The following ZNF568 variants were observed in gnomAD, a reference collection of about 807,000 sequenced individuals.
ZNF568 encodes the protein zinc finger protein 568.
Under a neutral mutation model 18.1 loss-of-function variants are expected in ZNF568, and 11 were observed. The observed-to-expected ratio is 0.61, with a 90% CI of 0.38 to 1.00. The LOEUF (loss-of-function observed/expected upper bound fraction) is 1.00. Ranked by LOEUF, ZNF568 falls within the 50% of genes least tolerant of loss-of-function variation. The probability of loss-of-function intolerance (pLI) is 0.01; values close to 1 mark genes in which losing one functional copy is unlikely to be tolerated. For synonymous variants in ZNF568, 213 were observed against 246.6 expected (o/e 0.86, Z 1.28); for missense variants, 639 against 768.2 (o/e 0.83, Z 1.99).
chr19:36,970,357 T>G lies in ZNF568; in HGVS notation c.359-4063T>G, dbSNP rs929851538. 1.5e-5 allele frequency among the ~76,000 whole-genome samples: 2 copies of G among 129,300 alleles called. 1 individual carries two copies. The highest frequency in any genetic ancestry group is 3.4e-5 in the Non-Finnish European group (2 of 58,886). The allele number at this position is 129,300 out of a possible 152,430, so 84.8% of individuals were successfully genotyped here. A position where few individuals can be genotyped will look rare whatever the true frequency, so the allele number is the denominator to read the frequency against. On this transcript the variant is annotated intron_variant, in intron 6 of 7. Coordinates refer to the ZNF568 transcript ENST00000427117. ...ATTGAATTTCTTTTCTTTTCTTTTC[T>G]TTCTTTTGGAGACAGTCTCGCTCTG...
intron 6 of ZNF568, among the ~76,000 whole-genome samples, chr19:36,943,432 G>T (rs1433640092): frequency 6.6e-6 from 1 of 152,076 alleles, no homozygotes; most frequent in East Asian, 1.9e-4. Flanking sequence ...CCAGGAAAAA[G>T]AAATACTCTT....
chr19:36,981,752 T>C (rs1449803139), downstream of ZNF568, among the ~76,000 whole-genome samples: 2 of 151,884 alleles, frequency 1.3e-5, no homozygotes, highest in East Asian at 3.9e-4. Flanking sequence ...TGCATGCCTG[T>C]AGTCCCAGCT....
rs777642030 is a variant in ZNF568 at position 36,997,086 on chromosome 19, G to A, written c.999G>A (p.Gln333=). 4 of 1,564,880 alleles carry A rather than the reference G, an allele frequency of 2.6e-6. No individual in the cohort carries two copies. The South Asian group carries it at 4.6e-5, about 18-fold the overall frequency. The change falls in exon 5 of 5, where the codon CAG becomes CAA. Residue 333 remains glutamine (Q), a synonymous_variant. Coordinates refer to the ZNF568 transcript ENST00000433993. The stretch of plus-strand genomic sequence containing the variant: ...GAAAGGCTTTTCGTTATGACACACA[G>A]CTGAGCCTTCATCAGATAATCCATA...
intron 7 of ZNF568, among the ~76,000 whole-genome samples, chr19:36,978,084 C>A (rs2074300215): frequency 6.6e-6 from 1 of 152,202 alleles, no homozygotes; most frequent in African/African-American, 2.4e-5. Context: ...ACTGATTGGG[C>A]TCCCTGGCTC....
downstream of ZNF568, among the ~76,000 whole-genome samples, chr19:36,953,100 A>G (rs1165572599): frequency 1.3e-5 from 2 of 152,232 alleles, no homozygotes; most frequent in Non-Finnish European, 2.9e-5. Flanking sequence ...TCCGGGCATC[A>G]TGTCTACTAC....
Position 36,950,084 on chromosome 19 carries a change from T to C in ZNF568, c.931T>C (p.Cys311Arg). The C allele has an allele frequency of 6.2e-7, 1 of 1,613,940 alleles. No individual in the cohort carries two copies. Among genetic ancestry groups the C allele is most frequent in the Non-Finnish European group, 8.5e-7 (1 of 1,179,934 alleles). ...GGAGAAACCTTATGCATGTAAGGAT[T>C]GTTGGAAAGCCTTCAGTCAGAAATC... is the stretch of plus-strand genomic sequence containing the variant. ...TGEKPYACKD[C>R]WKAFSQKSNL... The change falls in exon 7 of 7, where the codon TGT (cysteine) becomes CGT (arginine). Residue 311 changes from cysteine (C) to arginine (R), a missense_variant. By Grantham distance (180) the Cys-to-Arg change is radical. Coordinates refer to ENST00000333987, the MANE Select transcript of ZNF568 (RefSeq NM_198539.4).
chr19:36,917,959 GT>G (rs902578417), intron 2 of ZNF568, among the ~76,000 whole-genome samples: 2 of 151,878 alleles, frequency 1.3e-5, no homozygotes, highest in African/African-American at 4.8e-5. Flanking sequence ...GTTTTGTTTT[GT>G]TTTTTTGAGA....
intron 6 of ZNF568, among the ~76,000 whole-genome samples, chr19:36,949,209 G>T (rs2074016631): frequency 6.6e-6 from 1 of 152,014 alleles, no homozygotes; most frequent in Admixed American, 6.6e-5. Context: ...TCATTTTTGT[G>T]TTCACCCTTT....
intron 2 of ZNF568, among the ~76,000 whole-genome samples, chr19:36,987,390 G>A (rs1247302927): frequency 6.6e-6 from 1 of 152,194 alleles, no homozygotes; most frequent in Non-Finnish European, 1.5e-5. Context: ...TTTGCAGAAT[G>A]AGGTTTTAGT....
At chr19:36,996,003 A>T (rs1043140653) in intron 4 of ZNF568, among the ~76,000 whole-genome samples, 2 of 152,118 alleles carry the variant, frequency 1.3e-5, no homozygotes, top group East Asian at 3.9e-4. Context: ...AATCTGCTCA[A>T]CTTCAATTAG....
chr19:36,931,794 G>A (rs990412649), intron 4 of ZNF568: 1 of 152,126 alleles, frequency 6.6e-6, no homozygotes, highest in Non-Finnish European at 1.5e-5. Flanking sequence ...GTGGTTTTTA[G>A]TGTATTCACA....
At chr19:36,925,986 C>T (rs889730911) in intron 4 of ZNF568, among the ~76,000 whole-genome samples, 2 of 152,088 alleles carry the variant, frequency 1.3e-5, no homozygotes, top group African/African-American at 4.8e-5. Context: ...TTTAGCTTAG[C>T]TTTTAGAAGT....
chr19:36,991,913 C>CAACACTT (rs1376794138), intron 4 of ZNF568: 1 of 1,322,658 alleles, frequency 7.6e-7, no homozygotes, highest in African/African-American at 1.5e-5. Flanking sequence ...TGTGAGAAGG[C>CAACACTT]AGCACTTCAG....
chr19:36,984,998 C>T (rs1441169129), intron 2 of ZNF568, among the ~76,000 whole-genome samples: 1 of 152,060 alleles, frequency 6.6e-6, no homozygotes, highest in Non-Finnish European at 1.5e-5. Context: ...GCTGTCCTGT[C>T]TTCCAATACT....
chr19:36,964,610 C>T (rs13345489), intron 6 of ZNF568, among the ~76,000 whole-genome samples: 28,395 of 151,868 alleles, frequency 0.19, 2,722 homozygotes, highest in African/African-American at 0.24. Context: ...CCCAGGAGTT[C>T]GAGACCAGCC....
Position 36,950,224 on chromosome 19 carries a change from T to C in ZNF568, c.1071T>C (p.Thr357=), listed in dbSNP as rs192575965. 33 of 1,613,758 alleles carry C rather than the reference T, an allele frequency of 2.0e-5. No individual in the cohort carries two copies. The Admixed American group carries it at 3.3e-4, about 16-fold the overall frequency. The change falls in exon 7 of 7, where the codon ACT becomes ACC. Residue 357 remains threonine (T), a synonymous_variant. Transcript: ENST00000333987. The part of the protein sequence containing the change: ...QNLIEHEKIH[T]GEKPYACNEC... The stretch of plus-strand genomic sequence containing the variant: ...TTATTGAGCACGAGAAAATTCATAC[T>C]GGGGAGAAACCTTATGCATGTAATG...
intron 4 of ZNF568, among the ~76,000 whole-genome samples, chr19:36,992,945 A>G (rs1311907329): frequency 6.6e-6 from 1 of 152,206 alleles, no homozygotes; most frequent in African/African-American, 2.4e-5. Context: ...TTCAAAGTTC[A>G]TCCATAGTGT....
At chr19:36,966,505 G>T (rs2074196372) in intron 6 of ZNF568, among the ~76,000 whole-genome samples, 1 of 152,188 alleles carries the variant, frequency 6.6e-6, no homozygotes. Flanking sequence ...AAAGTGTGTA[G>T]AAACTTAGTA....
chr19:36,965,763 G>A (rs1437845961), intron 6 of ZNF568, among the ~76,000 whole-genome samples: 2 of 147,524 alleles, frequency 1.4e-5, no homozygotes, highest in Admixed American at 6.8e-5. Context: ...GTGCAATGGC[G>A]TGATCTCGGC....
Sources: gnomAD v4.1 joint callset for allele counts (sites outside exome capture counted in the v4.1 genomes callset) on GRCh38, gnomAD v4.1.1 for gene constraint, MANE v1.5 for transcripts, NCBI Gene and HGNC (gene_info 2026-07-23, HGNC 2026-07-21) for gene names.